Variants in SPTA1 observed in about 807,000 individuals in gnomAD.
The protein encoded by SPTA1 is spectrin alpha, erythrocytic 1.
In SPTA1, 177 loss-of-function variants were observed where a neutral mutation model predicts 324.7. That is an observed-to-expected ratio of 0.55 (90% CI 0.48 to 0.62). The LOEUF (loss-of-function observed/expected upper bound fraction) is 0.62. Among genes scored for constraint, SPTA1 ranks in the 20% least tolerant of loss-of-function variants. The pLI, the probability that SPTA1 is intolerant of heterozygous loss-of-function variation, is 0.00. For missense variants in SPTA1, 3,162 were observed against 2,883.6 expected, an observed-to-expected ratio of 1.10 and a Z score of -2.21; for synonymous variants, 1,195 against 1,041.3, an observed-to-expected ratio of 1.15 and a Z score of -2.84.
In SPTA1 at chr1:158,652,634, G is replaced by A. The variant is rs777961517; in HGVS notation, c.3208C>T (p.Arg1070Trp). ...AGACGACGTCTGCGTTCTTCTGCCC[G>A]ATCCAAGAGGGAGCGGTATCTGGAT... is the stretch of plus-strand genomic sequence containing the variant. The part of the protein sequence containing the change: ...IENQYRSLLD[R>W]AEERRRRLLQ... The change falls in exon 23 of 52, where the codon CGG becomes TGG. Residue 1070 changes from arginine to tryptophan, a missense_variant. Physicochemically the swap from Arg to Trp is moderately radical, Grantham distance 101. Transcript: ENST00000643759. The A allele has an allele frequency of 3.6e-5, 58 of 1,613,982 alleles. No homozygotes were observed. The highest frequency in any genetic ancestry group is 4.5e-5 in the East Asian group (2 of 44,880).
At chr1:158,626,781 G>C in intron 41 of SPTA1, 58 bp downstream of exon 41, 1 of 1,606,650 alleles carries the variant, frequency 6.2e-7, no homozygotes, top group East Asian at 2.2e-5. Context: ...TTCTACACAT[G>C]GATGGGATTT....
At chr1:158,637,460 A>C (rs1478911257) in intron 36 of SPTA1, among the ~76,000 whole-genome samples, 1 of 152,234 alleles carries the variant, frequency 6.6e-6, no homozygotes, top group Admixed American at 6.5e-5. Context: ...TTTCCAAATC[A>C]TATTTTACAA....
chr1:158,635,640 T>C (rs1490807262), intron 38 of SPTA1, among the ~76,000 whole-genome samples: 4 of 152,136 alleles, frequency 2.6e-5, no homozygotes, highest in African/African-American at 7.2e-5. Flanking sequence ...TAACCTGATA[T>C]GAAGGATAAC....
rs34706737 is a variant in SPTA1, at chr1:158,656,592, G to A, written c.2870C>T (p.Ala957Val). ...GCAGGCGTTTGCCTGATTCCGCAGA[G>A]CTTTCATACTGTCTCCAAATGAATT... ...DLNSFGDSMK[A>V]LRNQANACQQ... is the part of the protein sequence containing the mutation. Residue 957 changes from alanine (A) to valine (V), a missense_variant, in exon 20 of 52, where the codon GCT becomes GTT. Physicochemically the swap from Ala to Val is moderately conservative, Grantham distance 64. Coordinates refer to ENST00000643759, the MANE Select transcript of SPTA1 (RefSeq NM_003126.4). 9,248 of 1,613,802 alleles carry A rather than the reference G, an allele frequency of 5.7e-3. 402 individuals carry two copies. In the African/African-American group the frequency reaches 0.1, roughly 17 times the overall value.
At chr1:158,627,152 G>T in intron 40 of SPTA1, 145 bp from the exon 41 acceptor site, 1 of 1,000,368 alleles carries the variant, frequency 1.0e-6, no homozygotes, top group Non-Finnish European at 1.5e-6. Context: ...TTTCTAGGAG[G>T]TAGGGAGTCA....
At chr1:158,685,931 T>A (rs2101960874) in intron 1 of SPTA1, among the ~76,000 whole-genome samples, 1 of 152,342 alleles carries the variant, frequency 6.6e-6, no homozygotes, top group Non-Finnish European at 1.5e-5. Flanking sequence ...AAATTTCAAA[T>A]TATTAGCATG....
At chr1:158,634,826 C>T (rs995815213) in intron 38 of SPTA1, 151 bp from the exon 39 acceptor site, 17 of 846,110 alleles carry the variant, frequency 2.0e-5, no homozygotes, top group African/African-American at 1.5e-4. Context: ...ATAATAGGTG[C>T]CTACTGCTCA....
chr1:158,644,183 A>G, intron 30 of SPTA1, 70 bp downstream of exon 30: 4 of 1,587,620 alleles, frequency 2.5e-6, no homozygotes, highest in Non-Finnish European at 3.4e-6. Context: ...ATAAAACCAG[A>G]CAAATGTGTA....
chr1:158,621,969 G>T (rs1440275533), intron 43 of SPTA1, among the ~76,000 whole-genome samples: 3 of 152,144 alleles, frequency 2.0e-5, no homozygotes, highest in South Asian at 4.1e-4. Context: ...GGATCACGCC[G>T]TTCTCCTGCC....
chr1:158,630,487 C>T (rs1456830935), intron 39 of SPTA1, among the ~76,000 whole-genome samples: 1 of 152,002 alleles, frequency 6.6e-6, no homozygotes, highest in Non-Finnish European at 1.5e-5. Flanking sequence ...CAAGAATCAA[C>T]TCAAAATTGT....
At chr1:158,628,353 C>G (rs983387608) in intron 39 of SPTA1, among the ~76,000 whole-genome samples, 1 of 152,100 alleles carries the variant, frequency 6.6e-6, no homozygotes, top group Non-Finnish European at 1.5e-5. Context: ...CCCACTACTG[C>G]CTTCACCTCC....
intron 4 of SPTA1, among the ~76,000 whole-genome samples, 186 bp downstream of exon 4, chr1:158,681,341 T>C (rs1003468722): frequency 6.6e-6 from 1 of 152,080 alleles, no homozygotes; most frequent in African/African-American, 2.4e-5. Flanking sequence ...ATGTTAAGAC[T>C]TACTTCCATA....
chr1:158,632,632 A>G (rs1650763879), intron 39 of SPTA1, among the ~76,000 whole-genome samples: 1 of 152,204 alleles, frequency 6.6e-6, no homozygotes, highest in Non-Finnish European at 1.5e-5. Flanking sequence ...TATGTGAATG[A>G]CTAAAATAAA....
chr1:158,641,642 T>A (rs1457407105), intron 33 of SPTA1, among the ~76,000 whole-genome samples: 1 of 152,144 alleles, frequency 6.6e-6, no homozygotes, highest in Non-Finnish European at 1.5e-5. Flanking sequence ...ATGGTGATCA[T>A]TAAAAAGTCA....
At chr1:158,614,177 A>C in intron 49 of SPTA1, 76 bp downstream of exon 49, 2 of 1,183,652 alleles carry the variant, frequency 1.7e-6, no homozygotes, top group South Asian at 1.3e-5. Context: ...TCACAGAGTG[A>C]GAGAAACATT....
chr1:158,653,572 T>C lies in SPTA1; in HGVS notation c.3037-147A>G, dbSNP rs376863525. On this transcript the variant is annotated intron_variant, in intron 21 of 51. Coordinates refer to ENST00000643759, the MANE Select transcript of SPTA1 (RefSeq NM_003126.4). ...TCTAATGAGTGGCACATAATTTTCATATATGACCAAGAAATGAAATGAAGA... is the reference window on the plus strand; with the variant it reads ...TCTAATGAGTGGCACATAATTTTCACATATGACCAAGAAATGAAATGAAGA... The C allele has an allele frequency of 8.3e-6, 9 of 1,079,658 alleles. No individual in the cohort carries two copies. In the East Asian group the frequency reaches 1.8e-4, roughly 22 times the overall value. 66.9% of individuals were successfully genotyped at this position (1,079,658 alleles called of 1,614,324 possible). A position where few individuals can be genotyped will look rare whatever the true frequency, so the allele number is the denominator to read the frequency against.
In SPTA1 at chr1:158,620,151, C is replaced by A; in HGVS notation, c.6417+19G>T. 1.2e-6 allele frequency: 2 copies of A among 1,614,018 alleles called. No homozygotes were observed. Among genetic ancestry groups the A allele is most frequent in the Non-Finnish European group, 1.7e-6 (2 of 1,180,008 alleles). Reference sequence around the variant, plus strand: ...TGTTCACTGTAGTGAAAGGAAGTTTCTGCCGTGTTCCAGGTTACCTCAATG... The same window carrying A: ...TGTTCACTGTAGTGAAAGGAAGTTTATGCCGTGTTCCAGGTTACCTCAATG... On this transcript the variant is annotated intron_variant, in intron 44 of 51. Transcript: ENST00000643759.
At chr1:158,646,243 G>T (rs780452529) in intron 27 of SPTA1, among the ~76,000 whole-genome samples, 1 of 151,816 alleles carries the variant, frequency 6.6e-6, no homozygotes, top group Non-Finnish European at 1.5e-5. Flanking sequence ...TTTTAACTAT[G>T]CATTAACTTT....
intron 43 of SPTA1, chr1:158,622,573 T>C (rs992627431): frequency 5.0e-6 from 1 of 200,370 alleles, no homozygotes; most frequent in African/African-American, 2.4e-5. Context: ...TTTTACAAGG[T>C]CTTCAACCTA....
Sources: gnomAD v4.1 joint callset for allele counts (sites outside exome capture counted in the v4.1 genomes callset) on GRCh38, gnomAD v4.1.1 for gene constraint, MANE v1.5 for transcripts, NCBI Gene and HGNC (gene_info 2026-07-23, HGNC 2026-07-21) for gene names.